Variants in GPR139 observed in about 807,000 individuals in gnomAD.
GPR139 encodes G protein-coupled receptor 139.
GPR139 carries 12 observed loss-of-function variants against 25.8 expected under a neutral mutation model. The observed-to-expected ratio is 0.47, with a 90% confidence interval of 0.30 to 0.75. The LOEUF is 0.75. GPR139 is among the 30% of genes least tolerant of loss of function. The pLI, the probability that GPR139 is intolerant of heterozygous loss-of-function variation, is 0.07. For synonymous variants in GPR139, 184 were observed against 179.9 expected (o/e 1.02, Z -0.18); for missense variants, 380 against 450.2 (o/e 0.84, Z 1.41).
intron 1 of GPR139, among the ~76,000 whole-genome samples, chr16:20,047,349 G>A: frequency 6.6e-6 from 1 of 152,112 alleles, no homozygotes; most frequent in Non-Finnish European, 1.5e-5. Context: ...GACCTGGGAG[G>A]CCTGACCTGG....
chr16:20,048,815 G>A (rs896389915), intron 1 of GPR139, among the ~76,000 whole-genome samples: 1 of 152,108 alleles, frequency 6.6e-6, no homozygotes, highest in East Asian at 1.9e-4. Context: ...AACCCACAAG[G>A]TACCTCCCGC....
At chr16:20,049,269 C>G (rs2141207889) in intron 1 of GPR139, among the ~76,000 whole-genome samples, 1 of 152,278 alleles carries the variant, frequency 6.6e-6, no homozygotes, top group African/African-American at 2.4e-5. Flanking sequence ...AAGGCTCTCT[C>G]TGTGTGACAT....
chr16:20,071,084 T>C lies in GPR139; in HGVS notation c.127+2406A>G, dbSNP rs116444436. 156 of 723,302 alleles carry C rather than the reference T, an allele frequency of 2.2e-4. 1 individual carries two copies. The African/African-American group carries it at 2.8e-3, about 13-fold the overall frequency. 44.8% of individuals were successfully genotyped at this position (723,302 alleles called of 1,614,324 possible). On this transcript the variant is annotated intron_variant, in intron 1 of 1. Coordinates refer to ENST00000570682, the MANE Select transcript of GPR139 (RefSeq NM_001002911.4). ...TCAGGCACCAAGGCGAGCATTTCGC[T>C]AGTGCCATCATCTGCAGCAACATCC... is the stretch of plus-strand genomic sequence containing the variant.
chr16:20,059,179 C>T (rs955917848), intron 1 of GPR139, among the ~76,000 whole-genome samples: 2 of 152,234 alleles, frequency 1.3e-5, no homozygotes, highest in African/African-American at 2.4e-5. Context: ...TTGCTAAGCC[C>T]GTCTCATCTC....
Position 20,073,815 on chromosome 16 carries a change from C to T in GPR139, c.-199G>A, listed in dbSNP as rs2057470174. On this transcript the variant is annotated 5_prime_UTR_variant, in exon 1 of 2. Coordinates refer to ENST00000570682, the MANE Select transcript of GPR139 (RefSeq NM_001002911.4). This position sits in a 1 kb window ranked among gnomAD's most constrained non-coding sequence, Gnocchi z 4.7. ...GCCCGCCTGGAGTCTTGGCTCAGCC[C>T]TCCCGCAGGGCGCGGGGCGCAGGGT... 1.5e-6 allele frequency: 1 copy of T among 653,880 alleles called. No homozygotes were observed. The highest frequency in any genetic ancestry group is 4.2e-5 in the Admixed American group (1 of 24,084). 40.5% of individuals were successfully genotyped at this position (653,880 alleles called of 1,614,324 possible).
intron 1 of GPR139, among the ~76,000 whole-genome samples, chr16:20,034,943 A>G (rs2057304821): frequency 6.6e-6 from 1 of 152,164 alleles, no homozygotes; most frequent in African/African-American, 2.4e-5. Flanking sequence ...CAAAGTTAAT[A>G]TCTTGACATG....
At chr16:20,051,333 C>T (rs2057371397) in intron 1 of GPR139, among the ~76,000 whole-genome samples, 1 of 152,200 alleles carries the variant, frequency 6.6e-6, no homozygotes, top group Admixed American at 6.5e-5. Context: ...GAGGGAAGGT[C>T]CCACGGGATC....
In GPR139 at chr16:20,032,503, C is replaced by T. The variant is rs181415488; in HGVS notation, c.294G>A (p.Gln98=). The T allele has an allele frequency of 1.2e-6, 2 of 1,613,988 alleles. No individual in the cohort carries two copies. The highest frequency in any genetic ancestry group is 1.7e-5 in the Admixed American group (1 of 59,992). Residue 98 remains glutamine, a synonymous_variant, in exon 2 of 2, where the codon CAG becomes CAA. Transcript: ENST00000570682. ...GCACTTCTATGATCTTGTCGGGGACCTGAGGCATCTGCATGTTCAAGATGA... is the reference window on the plus strand; with the variant it reads ...GCACTTCTATGATCTTGTCGGGGACTTGAGGCATCTGCATGTTCAAGATGA... ...EDFILNMQMP[Q]VPDKIIEVLE...
In GPR139 at chr16:20,070,884, A is replaced by G. The variant is rs563181626; in HGVS notation, c.127+2606T>C. ...TGGGGAAGGGAGGTGATGGGTGGGG[A>G]CCACTGTGGTGAGCTCAACACGCAG... On this transcript the variant is annotated intron_variant, in intron 1 of 1. Coordinates refer to ENST00000570682, the MANE Select transcript of GPR139 (RefSeq NM_001002911.4). 25 of 910,538 alleles carry G rather than the reference A, an allele frequency of 2.7e-5. No individual in the cohort carries two copies. In the South Asian group the frequency reaches 1.1e-3, roughly 40 times the overall value. The allele number at this position is 910,538 out of a possible 1,614,324, so 56.4% of individuals were successfully genotyped here. A position where few individuals can be genotyped will look rare whatever the true frequency, so the allele number is the denominator to read the frequency against.
intron 1 of GPR139, among the ~76,000 whole-genome samples, chr16:20,055,583 G>T (rs756809185): frequency 1.3e-5 from 2 of 152,232 alleles, no homozygotes; most frequent in Non-Finnish European, 2.9e-5. Flanking sequence ...AGAAAAAACA[G>T]TTACTACCTG....
At position 20,069,556 on chromosome 16, in the gene GPR139, C is replaced by T. The variant is rs541599596; in HGVS notation, c.127+3934G>A. On this transcript the variant is annotated intron_variant, in intron 1 of 1. Transcript: ENST00000570682. ...CTCATCATCTGCCTTCATCTTGCAC[C>T]AACTCTCAAAGGCACATGTTACAGA... Among the ~76,000 whole-genome samples the T allele has an allele frequency of 5.3e-5, 8 of 152,250 alleles. No homozygotes were observed. In the South Asian group the frequency reaches 1.7e-3, roughly 32 times the overall value.
chr16:20,061,754 C>T (rs72772764), intron 1 of GPR139, among the ~76,000 whole-genome samples: 18,828 of 152,266 alleles, frequency 0.12, 1,488 homozygotes, highest in East Asian at 0.26. Context: ...CTCCTCCCCA[C>T]GCCTGACCCT....
intron 1 of GPR139, among the ~76,000 whole-genome samples, chr16:20,041,262 A>G (rs1596465585): frequency 1.7e-4 from 1 of 6,026 alleles, no homozygotes; most frequent in African/African-American, 2.8e-4. Flanking sequence ...GAAGGAGAAA[A>G]GAAAAGCATC....
intron 1 of GPR139, among the ~76,000 whole-genome samples, chr16:20,047,859 T>C (rs923689827): frequency 1.3e-5 from 2 of 152,230 alleles, no homozygotes; most frequent in African/African-American, 4.8e-5. Flanking sequence ...TTTGCTCATC[T>C]ATGAAAAGTA....
chr16:20,029,136 A>G lies in GPR139; in HGVS notation c.*2599T>C, dbSNP rs2125148. ...GACAGCAATTCACTACAGTGCCTTC[A>G]AGAATTGGACCTCTTTTAAATATCA... On this transcript the variant is annotated 3_prime_UTR_variant, in exon 2 of 2. Coordinates refer to ENST00000570682, the MANE Select transcript of GPR139 (RefSeq NM_001002911.4). 0.4 allele frequency among the ~76,000 whole-genome samples: 61,155 copies of G among 151,988 alleles called. 13,251 individuals are homozygous for G. Among genetic ancestry groups the G allele is most frequent in the East Asian group, 0.63 (3,275 of 5,168 alleles).
intron 1 of GPR139, among the ~76,000 whole-genome samples, chr16:20,035,189 C>G (rs2057305647): frequency 6.9e-6 from 1 of 144,422 alleles, no homozygotes; most frequent in Non-Finnish European, 1.6e-5. Context: ...TTGTTCTTGT[C>G]CAAATCACTT....
At chr16:20,049,622 T>G (rs2057365427) in intron 1 of GPR139, among the ~76,000 whole-genome samples, 2 of 152,332 alleles carry the variant, frequency 1.3e-5, no homozygotes, top group African/African-American at 4.8e-5. Flanking sequence ...ACAGTTTCAC[T>G]CTTAGAACAC....
Position 20,032,555 on chromosome 16 carries a change from A to T in GPR139, c.242T>A (p.Val81Glu). 1 of 1,614,186 alleles carries T rather than the reference A, an allele frequency of 6.2e-7. No homozygotes were observed. The highest frequency in any genetic ancestry group is 1.1e-5 in the South Asian group (1 of 91,078). The part of the protein sequence containing the change: ...AADILVLFFI[V>E]FVDFLLEDFI... ...ATCTTCCAACAGGAAGTCCACAAAC[A>T]CTATGAAAAAGAGGACCAAGATGTC... The change falls in exon 2 of 2, where the codon GTG becomes GAG. Residue 81 changes from valine to glutamate, a missense_variant. Transcript: ENST00000570682.
At chr16:20,039,306 T>G (rs2057322180) in intron 1 of GPR139, among the ~76,000 whole-genome samples, 1 of 152,196 alleles carries the variant, frequency 6.6e-6, no homozygotes, top group Non-Finnish European at 1.5e-5. Flanking sequence ...GGTCAAGGTC[T>G]TCTAGAGGTA....
Sources: allele counts gnomAD v4.1 joint callset (sites outside exome capture counted in the v4.1 genomes callset), GRCh38; gene constraint gnomAD v4.1.1; non-coding constraint Gnocchi (gnomAD v3.1); transcripts MANE v1.5; gene names NCBI Gene and HGNC (gene_info 2026-07-23, HGNC 2026-07-21).